MAP3K20: variants seen among roughly 807,000 people sequenced by gnomAD.
MAP3K20 encodes mitogen-activated protein kinase kinase kinase 20, also known as HCCS-4.
In MAP3K20, 40 loss-of-function variants were observed where a neutral mutation model predicts 85.7. The observed-to-expected ratio is 0.47, with a 90% confidence interval of 0.36 to 0.61. The LOEUF is 0.61. Among genes scored for constraint, MAP3K20 ranks in the 20% least tolerant of loss-of-function variants. MAP3K20 has a pLI of 0.00. For missense variants in MAP3K20, 817 were observed against 961.7 expected (o/e 0.85, Z 1.99); for synonymous variants, 325 against 327.7 (o/e 0.99, Z 0.09).
chr2:173,249,620 G>A (rs749335929), intron 16 of MAP3K20, among the ~76,000 whole-genome samples: 6 of 152,182 alleles, frequency 3.9e-5, no homozygotes, highest in Admixed American at 2.6e-4. Flanking sequence ...AGATGTCCCA[G>A]TATTTAAAAA....
At position 173,258,606 on chromosome 2, in the gene MAP3K20, T is replaced by C. The variant is rs1437783664; in HGVS notation, c.1360-93T>C. 1.3e-5 allele frequency: 9 copies of C among 678,872 alleles called. No homozygotes were observed. In the African/African-American group the frequency reaches 1.7e-4, roughly 12 times the overall value. The allele number at this position is 678,872 out of a possible 1,614,324, so 42.1% of individuals were successfully genotyped here. A position where few individuals can be genotyped will look rare whatever the true frequency, so the allele number is the denominator to read the frequency against. ...AAAAAAAAGCCACTCCAATAATACT[T>C]CATTTAGAATATTTTATGTGTTAGG... On this transcript the variant is annotated intron_variant, in intron 16 of 19. Coordinates refer to ENST00000375213, the MANE Select transcript of MAP3K20 (RefSeq NM_016653.3).
intron 2 of MAP3K20, among the ~76,000 whole-genome samples, chr2:173,135,335 T>C (rs914641663): frequency 6.6e-6 from 1 of 152,140 alleles, no homozygotes; most frequent in Non-Finnish European, 1.5e-5. Flanking sequence ...GAAGAGTAAT[T>C]GACATGTTAA....
intron 4 of MAP3K20, 108 bp downstream of exon 4, chr2:173,183,063 T>C (rs1207070956): frequency 4.7e-6 from 4 of 850,264 alleles, no homozygotes; most frequent in East Asian, 5.9e-5. Flanking sequence ...GATGTTCTTT[T>C]TCCAGACCAA....
intron 16 of MAP3K20, among the ~76,000 whole-genome samples, chr2:173,255,574 C>T (rs1685139135): frequency 6.6e-6 from 1 of 152,172 alleles, no homozygotes; most frequent in African/African-American, 2.4e-5. Context: ...GTAAGCACTC[C>T]ACAAATTTGA....
At chr2:173,254,932 C>T (rs1685124921) in intron 16 of MAP3K20, among the ~76,000 whole-genome samples, 1 of 152,210 alleles carries the variant, frequency 6.6e-6, no homozygotes, top group South Asian at 2.1e-4. Flanking sequence ...ATGGGCACTG[C>T]ATGTTGCAGC....
chr2:173,170,846 A>G (rs1191309632), intron 3 of MAP3K20, among the ~76,000 whole-genome samples: 1 of 152,218 alleles, frequency 6.6e-6, no homozygotes, highest in African/African-American at 2.4e-5. Context: ...TGGTAGAACC[A>G]AAGCGGTATA....
intron 11 of MAP3K20, chr2:173,222,128 A>G (rs559372598): frequency 1.1e-6 from 1 of 914,148 alleles, no homozygotes; most frequent in East Asian, 1.2e-4. Context: ...CTTGAGACCT[A>G]GCAATCAGTC....
At chr2:173,168,284 A>G (rs902509472) in intron 2 of MAP3K20, among the ~76,000 whole-genome samples, 1 of 152,138 alleles carries the variant, frequency 6.6e-6, no homozygotes, top group African/African-American at 2.4e-5. Flanking sequence ...GCACTCAATA[A>G]GTATTAAGGA....
In MAP3K20 at chr2:173,209,736, C is replaced by T; in HGVS notation, c.752C>T (p.Pro251Leu). 1 of 1,604,776 alleles carries T rather than the reference C, an allele frequency of 6.2e-7. No homozygotes were observed. The highest frequency in any genetic ancestry group is 8.5e-7 in the Non-Finnish European group (1 of 1,176,410). The stretch of plus-strand genomic sequence containing the variant: ...TTATTTTCTCTTCTTCAGAAACGGC[C>T]ATCATTCAAGCAAATCATTTCAATC... ...QCWEADAKKR[P>L]SFKQIISILE... The change falls in exon 10 of 20, where the codon CCA becomes CTA. Residue 251 changes from proline (P) to leucine (L), a missense_variant. Around this residue, in one of 4 missense-constraint regions of MAP3K20, gnomAD observed 158 missense variants for 162.0 expected, o/e 0.98. Coordinates refer to ENST00000375213, the MANE Select transcript of MAP3K20 (RefSeq NM_016653.3).
chr2:173,161,779 C>T (rs147610506), intron 2 of MAP3K20, among the ~76,000 whole-genome samples: 1 of 152,250 alleles, frequency 6.6e-6, no homozygotes, highest in African/African-American at 2.4e-5. Flanking sequence ...CTTCTCAGAA[C>T]CTATGGCCTT....
chr2:173,118,625 A>C (rs1330842718), intron 2 of MAP3K20, among the ~76,000 whole-genome samples: 2 of 152,190 alleles, frequency 1.3e-5, no homozygotes, highest in Non-Finnish European at 2.9e-5. Context: ...TTACGGCATA[A>C]AGTAAAGCAT....
At chr2:173,160,524 G>T (rs1315788583) in intron 2 of MAP3K20, 1 of 152,114 alleles carries the variant, frequency 6.6e-6, no homozygotes, top group African/African-American at 2.4e-5. Flanking sequence ...TCAAGATCCT[G>T]GGATCATGAA....
chr2:173,235,358 G>A (rs982542055), intron 14 of MAP3K20, among the ~76,000 whole-genome samples: 3 of 152,170 alleles, frequency 2.0e-5, no homozygotes, highest in South Asian at 2.1e-4. Context: ...GTGATTAGCC[G>A]TCTCTCAGAA....
intron 11 of MAP3K20, among the ~76,000 whole-genome samples, chr2:173,228,274 C>T (rs1022235042): frequency 1.3e-5 from 2 of 152,086 alleles, no homozygotes; most frequent in African/African-American, 2.4e-5. Flanking sequence ...CTTTTTCCTC[C>T]AACATGAACT....
intron 11 of MAP3K20, among the ~76,000 whole-genome samples, chr2:173,220,442 C>T (rs1684210955): frequency 6.6e-6 from 1 of 151,446 alleles, no homozygotes; most frequent in Non-Finnish European, 1.5e-5. Context: ...TCCTTTCTTC[C>T]CAGTTTTCAT....
chr2:173,195,726 C>A (rs1690809335), intron 7 of MAP3K20, among the ~76,000 whole-genome samples: 1 of 152,060 alleles, frequency 6.6e-6, no homozygotes, highest in African/African-American at 2.4e-5. Context: ...AAAAGGAAAT[C>A]ATGAGATGTG....
At chr2:173,104,558 A>T (rs978800887) in intron 2 of MAP3K20, among the ~76,000 whole-genome samples, 14 of 152,304 alleles carry the variant, frequency 9.2e-5, no homozygotes, top group African/African-American at 3.4e-4. Context: ...TAAAGCCTGG[A>T]GTTTAGTTCA....
At chr2:173,118,354 A>G (rs1454015004) in intron 2 of MAP3K20, among the ~76,000 whole-genome samples, 1 of 152,238 alleles carries the variant, frequency 6.6e-6, no homozygotes, top group Non-Finnish European at 1.5e-5. Flanking sequence ...ATGGACCTGA[A>G]TTAATTTTTT....
intron 10 of MAP3K20, among the ~76,000 whole-genome samples, chr2:173,213,327 G>A (rs1339743180): frequency 3.3e-5 from 5 of 152,156 alleles, no homozygotes; most frequent in African/African-American, 1.2e-4. Context: ...TGCCTAAGGG[G>A]CCTCCTCATC....
Sources: gnomAD v4.1 joint callset for allele counts (sites outside exome capture counted in the v4.1 genomes callset) on GRCh38, gnomAD v4.1.1 for gene constraint, gnomAD v4.1.1 regional missense constraint, MANE v1.5 for transcripts, NCBI Gene and HGNC (gene_info 2026-07-23, HGNC 2026-07-21) for gene names.